Variants in CDH1 observed in about 807,000 individuals in gnomAD.
CDH1 encodes cadherin 1.
Under a neutral mutation model 84.5 loss-of-function variants are expected in CDH1, and 35 were observed. That is an observed-to-expected ratio of 0.41 (90% CI 0.32 to 0.55). The LOEUF is 0.55. Among genes scored for constraint, CDH1 ranks in the 20% least tolerant of loss-of-function variants. The probability of loss-of-function intolerance (pLI) is 0.19; values close to 1 mark genes in which losing one functional copy is unlikely to be tolerated. For missense variants in CDH1, 994 were observed against 1,126.6 expected (o/e 0.88, Z 1.68); for synonymous variants, 417 against 439.0 (o/e 0.95, Z 0.63).
At chr16:68,759,953 G>A (rs1359503378) in intron 2 of CDH1, among the ~76,000 whole-genome samples, 1 of 152,008 alleles carries the variant, frequency 6.6e-6, no homozygotes, top group African/African-American at 2.4e-5. Context: ...GGCCTAGAAA[G>A]GAGCCTCATG....
At chr16:68,829,895 T>G (rs1961437647) in intron 15 of CDH1, 98 bp downstream of exon 15, 1 of 1,286,140 alleles carries the variant, frequency 7.8e-7, no homozygotes, top group Admixed American at 1.7e-5. Flanking sequence ...TTCTTTCCTT[T>G]ACTATGTTTT....
chr16:68,775,591 A>T (rs1465337899), intron 2 of CDH1, among the ~76,000 whole-genome samples: 2 of 152,202 alleles, frequency 1.3e-5, no homozygotes, highest in Non-Finnish European at 2.9e-5. Context: ...GTTTAAAAGC[A>T]TGTAGGTTTC....
intron 9 of CDH1, 62 bp from the exon 10 acceptor site, chr16:68,815,453 T>G: frequency 6.2e-7 from 1 of 1,608,168 alleles, no homozygotes; most frequent in Non-Finnish European, 8.5e-7. Context: ...AGGATTTAAT[T>G]TTATTTTTAC....
intron 13 of CDH1, among the ~76,000 whole-genome samples, chr16:68,825,395 A>C (rs1362681330): frequency 6.6e-6 from 1 of 152,146 alleles, no homozygotes; most frequent in African/African-American, 2.4e-5. Context: ...TGGGAATGGA[A>C]AAAGAATTTT....
rs55703202 is a variant in CDH1, at chr16:68,753,212, C to CAAAA, written c.163+14818_163+14821dup. On this transcript the variant is annotated intron_variant, in intron 2 of 15. Coordinates refer to ENST00000261769, the MANE Select transcript of CDH1 (RefSeq NM_004360.5). ...TGGGCGACAAAGCGAGACTCAGTCTCAAAAAAAAAAAAAAAAAAAAGCAAG... is the reference window on the plus strand; with the variant it reads ...TGGGCGACAAAGCGAGACTCAGTCTCAAAAAAAAAAAAAAAAAAAAAAAAGCAAG... 2.0e-3 allele frequency among the ~76,000 whole-genome samples: 140 copies of CAAAA among 69,658 alleles called. 2 individuals are homozygous for CAAAA. Among genetic ancestry groups the CAAAA allele is most frequent in the African/African-American group, 3.0e-3 (51 of 17,064 alleles). The allele number at this position is 69,658 out of a possible 152,430, so 45.7% of individuals were successfully genotyped here. A position where few individuals can be genotyped will look rare whatever the true frequency, so the allele number is the denominator to read the frequency against.
chr16:68,758,505 T>C (rs1963079176), intron 2 of CDH1, among the ~76,000 whole-genome samples: 1 of 151,980 alleles, frequency 6.6e-6, no homozygotes, highest in Non-Finnish European at 1.5e-5. Context: ...GAGGATCACT[T>C]GAGCCTGGGA....
rs1597838625 is a variant in CDH1, at chr16:68,738,351, G to C, written c.103G>C (p.Glu35Gln). ...PEPCHPGFDA[E>Q]SYTFTVPRRH... is the part of the protein sequence containing the mutation. ...GCCCTGCCACCCTGGCTTTGACGCC[G>C]AGAGCTACACGTTCACGGTGCCCCG... The change falls in exon 2 of 16, where the codon GAG becomes CAG. Residue 35 changes from glutamate to glutamine, a missense_variant. By Grantham distance (29) the Glu-to-Gln change is conservative. Coordinates refer to ENST00000261769, the MANE Select transcript of CDH1 (RefSeq NM_004360.5). The C allele has an allele frequency of 6.4e-7, 1 of 1,551,328 alleles. No homozygotes were observed. Among genetic ancestry groups the C allele is most frequent in the Non-Finnish European group, 8.7e-7 (1 of 1,146,814 alleles).
rs574431448 is a variant in CDH1 at position 68,741,071 on chromosome 16, C to T, written c.163+2660C>T. On this transcript the variant is annotated intron_variant, in intron 2 of 15. Transcript: ENST00000261769. ...GGTGATGATGGAGATGGGTCAGACC[C>T]GGGGGAGGTGGCGGGGGACCCTGGG... 3.2e-3 allele frequency among the ~76,000 whole-genome samples: 489 copies of T among 151,128 alleles called. 5 individuals carry two copies. The highest frequency in any genetic ancestry group is 0.011 in the African/African-American group (467 of 41,116).
chr16:68,781,223 T>C (rs1031840451), intron 2 of CDH1, among the ~76,000 whole-genome samples: 2 of 152,198 alleles, frequency 1.3e-5, no homozygotes, highest in African/African-American at 4.8e-5. Flanking sequence ...AGGGTTTGAG[T>C]TGAGGGTGGG....
chr16:68,801,575 T>C (rs982816792), intron 2 of CDH1, 95 bp from the exon 3 acceptor site: 9 of 973,736 alleles, frequency 9.2e-6, no homozygotes, highest in African/African-American at 1.6e-5. Flanking sequence ...TGTTTGGTTT[T>C]GTGGGAGTCT....
chr16:68,833,649 T>C lies in CDH1; in HGVS notation c.*150T>C. The C allele has an allele frequency of 1.5e-6, 1 of 675,304 alleles. No homozygotes were observed. The highest frequency in any genetic ancestry group is 2.6e-6 in the Non-Finnish European group (1 of 378,150). The allele number at this position is 675,304 out of a possible 1,614,324, so 41.8% of individuals were successfully genotyped here. On this transcript the variant is annotated 3_prime_UTR_variant, in exon 16 of 16. Transcript: ENST00000261769. ...ATGCAGTTAGTATAGCTTTATACTC[T>C]CTCCACTTTATAGCTCTAATAAGTT...
chr16:68,814,845 A>G (rs899810283), intron 9 of CDH1, among the ~76,000 whole-genome samples: 1 of 151,312 alleles, frequency 6.6e-6, no homozygotes, highest in Non-Finnish European at 1.5e-5. Context: ...ACTTGAGCCC[A>G]GGGGGTTGAA....
intron 3 of CDH1, among the ~76,000 whole-genome samples, chr16:68,802,724 G>A (rs1960550010): frequency 6.6e-6 from 1 of 152,156 alleles, no homozygotes; most frequent in South Asian, 2.1e-4. Context: ...GCCTGCCTCA[G>A]CCTCCCAAAG....
intron 2 of CDH1, among the ~76,000 whole-genome samples, chr16:68,778,348 T>C (rs1017590298): frequency 1.3e-5 from 2 of 152,162 alleles, no homozygotes; most frequent in South Asian, 2.1e-4. Flanking sequence ...GCCCGACCAA[T>C]TGTACACTTT....
chr16:68,810,111 G>A (rs1256423874), intron 5 of CDH1, 86 bp from the exon 6 acceptor site: 6 of 1,433,786 alleles, frequency 4.2e-6, no homozygotes, highest in South Asian at 1.1e-5. Context: ...TGGCAGCCAG[G>A]GGGGCGCACT....
chr16:68,754,177 C>G (rs1338767110), intron 2 of CDH1, among the ~76,000 whole-genome samples: 1 of 150,692 alleles, frequency 6.6e-6, no homozygotes, highest in African/African-American at 2.4e-5. Flanking sequence ...AATCCCAGCA[C>G]TTTGGAATGT....
intron 2 of CDH1, among the ~76,000 whole-genome samples, chr16:68,767,217 GAC>G (rs1299025292): frequency 6.6e-6 from 1 of 151,030 alleles, no homozygotes; most frequent in African/African-American, 2.4e-5. Context: ...TTTCCCCTGA[GAC>G]AGTCTCGCTC....
chr16:68,801,812 C>A lies in CDH1; in HGVS notation c.306C>A (p.Ala102=), dbSNP rs772779133. 3.7e-6 allele frequency: 6 copies of A among 1,614,198 alleles called. No individual in the cohort carries two copies. In the South Asian group the frequency reaches 6.6e-5, roughly 18 times the overall value. The change falls in exon 3 of 16, where the codon GCC becomes GCA. Residue 102 remains alanine, a synonymous_variant. Transcript: ENST00000261769. ...CACAGATCCATTTCTTGGTCTACGC[C>A]TGGGACTCCACCTACAGAAAGTTTT... ...HNPQIHFLVY[A]WDSTYRKFST... is the part of the protein sequence containing the mutation.
rs767867011 is a variant in CDH1 at position 68,823,625 on chromosome 16, A to C, written c.2163A>C (p.Leu721=). ...TTCTTGGAGGAATTCTTGCTTTGCT[A>C]AGTAAGTCCAGCTGGCAAGTGACTC... ...LGILGGILAL[L]ILILLLLLFL... is the part of the protein sequence containing the mutation. Residue 721 remains leucine (L), a splice_region_variant and synonymous_variant, in exon 13 of 16, where the codon CTA becomes CTC. Transcript: ENST00000261769. The C allele has an allele frequency of 1.2e-6, 2 of 1,602,748 alleles. No homozygotes were observed. The highest frequency in any genetic ancestry group is 1.1e-5 in the South Asian group (1 of 90,876).
Sources: gnomAD v4.1 joint callset for allele counts (sites outside exome capture counted in the v4.1 genomes callset) on GRCh38, gnomAD v4.1.1 for gene constraint, MANE v1.5 for transcripts, NCBI Gene and HGNC (gene_info 2026-07-23, HGNC 2026-07-21) for gene names.